The following COL6A3 variants were observed in gnomAD, a reference collection of about 807,000 sequenced individuals.
COL6A3 encodes the protein collagen alpha-3(VI) chain.
A neutral mutation model predicts 274.1 loss-of-function variants in COL6A3; 137 were observed. That is an observed-to-expected ratio of 0.50 (90% CI 0.44 to 0.58). The LOEUF is 0.58. Among genes scored for constraint, COL6A3 ranks in the 20% least tolerant of loss-of-function variants. The pLI is 0.00. For synonymous variants in COL6A3, 1,650 were observed against 1,650.6 expected (o/e 1.00, Z 0.01); for missense variants, 3,950 against 4,124.9 (o/e 0.96, Z 1.16).
At chr2:237,386,178 C>T (rs971923426) in intron 4 of COL6A3, among the ~76,000 whole-genome samples, 1 of 152,118 alleles carries the variant, frequency 6.6e-6, no homozygotes, top group African/African-American at 2.4e-5. Context: ...ATTTTGTAAC[C>T]CTTGTAAGGA....
chr2:237,345,144 T>C, intron 33 of COL6A3, 37 bp downstream of exon 33: 1 of 1,614,064 alleles, frequency 6.2e-7, no homozygotes, highest in Non-Finnish European at 8.5e-7. Context: ...CAAAGGCTCA[T>C]GAGGTTAATG....
chr2:237,395,579 C>A (rs527992906), intron 2 of COL6A3, among the ~76,000 whole-genome samples: 10 of 152,296 alleles, frequency 6.6e-5, no homozygotes, highest in African/African-American at 2.4e-4. Flanking sequence ...AGACAACCAA[C>A]CATCATTTTA....
chr2:237,357,959 A>C (rs2077354214), intron 21 of COL6A3, 77 bp from the exon 22 acceptor site: 4 of 1,359,972 alleles, frequency 2.9e-6, no homozygotes, highest in Non-Finnish European at 4.2e-6. Context: ...TGGTCAGGGA[A>C]ATATTAGCAA....
At position 237,374,629 on chromosome 2, in the gene COL6A3, G is replaced by A. The variant is rs762152367; in HGVS notation, c.3462C>T (p.Val1154=). The change falls in exon 8 of 44, where the codon GTC becomes GTT. Residue 1154 remains valine, a synonymous_variant. Coordinates refer to ENST00000295550, the MANE Select transcript of COL6A3 (RefSeq NM_004369.4). This position sits in a 1 kb window ranked among gnomAD's most constrained non-coding sequence, Gnocchi z 4.8. ...TGGGCACAGCCCCACCCCTCTTCAC[G>A]ACCACGGAGGGGTTCCGCACATCAT... is the stretch of plus-strand genomic sequence containing the variant. ...SGDDVRNPSV[V]VKRGGAVPIG... 1.1e-5 allele frequency: 17 copies of A among 1,613,986 alleles called. No individual in the cohort carries two copies. Among genetic ancestry groups the A allele is most frequent in the Middle Eastern group, 1.6e-4 (1 of 6,084 alleles).
At chr2:237,399,969 A>T (rs1465084429) in intron 1 of COL6A3, among the ~76,000 whole-genome samples, 2 of 152,264 alleles carry the variant, frequency 1.3e-5, no homozygotes, top group African/African-American at 4.8e-5. Flanking sequence ...CAATCTCATT[A>T]TCAGCATGAA....
rs770612892 is a variant in COL6A3, at chr2:237,377,091, G to A, written c.2751C>T (p.Gly917=). 3.1e-6 allele frequency: 5 copies of A among 1,614,192 alleles called. No homozygotes were observed. Among genetic ancestry groups the A allele is most frequent in the Admixed American group, 1.7e-5 (1 of 60,018 alleles). The change falls in exon 7 of 44, where the codon GGC becomes GGT. Residue 917 remains glycine, a synonymous_variant. Coordinates refer to ENST00000295550, the MANE Select transcript of COL6A3 (RefSeq NM_004369.4). ...KIKTGKALNL[G]YALDYAQRYI... Reference sequence around the variant, plus strand: ...ACCTCTGTGCATAGTCCAGCGCGTAGCCCAGGTTGAGGGCTTTGCCCGTCT... The same window carrying A: ...ACCTCTGTGCATAGTCCAGCGCGTAACCCAGGTTGAGGGCTTTGCCCGTCT...
chr2:237,387,250 G>A (rs1290420843), intron 4 of COL6A3, among the ~76,000 whole-genome samples: 1 of 152,136 alleles, frequency 6.6e-6, no homozygotes, highest in African/African-American at 2.4e-5. Context: ...AGCCCCTCAA[G>A]CCCATTTTTA....
rs973670724 is a variant in COL6A3, at chr2:237,377,734, G to T, written c.2498-390C>A. 2.7e-5 allele frequency among the ~76,000 whole-genome samples: 4 copies of T among 147,796 alleles called. No individual in the cohort carries two copies. In the South Asian group the frequency reaches 8.7e-4, roughly 32 times the overall value. Reference sequence around the variant, plus strand: ...TAATATACCTTTGCTTAAAAAAATTGATCTCAATCTCTAGAAAAAAAAAGG... The same window carrying T: ...TAATATACCTTTGCTTAAAAAAATTTATCTCAATCTCTAGAAAAAAAAAGG... On this transcript the variant is annotated intron_variant, in intron 6 of 43. Coordinates refer to ENST00000295550, the MANE Select transcript of COL6A3 (RefSeq NM_004369.4).
chr2:237,390,860 T>C (rs2078269734), intron 3 of COL6A3, among the ~76,000 whole-genome samples: 1 of 152,246 alleles, frequency 6.6e-6, no homozygotes, highest in African/African-American at 2.4e-5. Flanking sequence ...CCTTTAGCTT[T>C]TGTTTTAAAA....
rs775256430 is a variant in COL6A3, at chr2:237,387,906, C to T, written c.988G>A (p.Val330Met). ...ANIGLALDFV[V>M]ENHFTRAGGS... ...CCTGCCCGGGTGAAGTGGTTCTCCA[C>T]CACGAAATCAAGGGCGAGGCCGATA... Residue 330 changes from valine (V) to methionine (M), a missense_variant, in exon 4 of 44, where the codon GTG (valine) becomes ATG (methionine). Coordinates refer to ENST00000295550, the MANE Select transcript of COL6A3 (RefSeq NM_004369.4). 3.7e-6 allele frequency: 6 copies of T among 1,614,026 alleles called. No individual in the cohort carries two copies. In the East Asian group the frequency reaches 1.3e-4, roughly 36 times the overall value.
chr2:237,336,629 A>T lies in COL6A3; in HGVS notation c.8568-97T>A. ...AGCTACATTAAATTTGTTTTAGCAA[A>T]ATGCATGCAATAGTTTTTATAGATT... On this transcript the variant is annotated intron_variant, in intron 39 of 43. Transcript: ENST00000295550. 9 of 1,248,880 alleles carry T rather than the reference A, an allele frequency of 7.2e-6. No individual in the cohort carries two copies. In the South Asian group the frequency reaches 1.2e-4, roughly 16 times the overall value. The allele number at this position is 1,248,880 out of a possible 1,614,324, so 77.4% of individuals were successfully genotyped here. A position where few individuals can be genotyped will look rare whatever the true frequency, so the allele number is the denominator to read the frequency against.
chr2:237,340,760 A>G lies in COL6A3; in HGVS notation c.8156T>C (p.Ile2719Thr), dbSNP rs752450810. 4 of 1,614,036 alleles carry G rather than the reference A, an allele frequency of 2.5e-6. No individual in the cohort carries two copies. In the African/African-American group the frequency reaches 4.0e-5, roughly 16 times the overall value. Residue 2719 changes from isoleucine (I) to threonine (T), a missense_variant, in exon 38 of 44, where the codon ATT (isoleucine) becomes ACT (threonine). Coordinates refer to ENST00000295550, the MANE Select transcript of COL6A3 (RefSeq NM_004369.4). ...LQGTRALGSA[I>T]EYTIENVFES... ...AAAGACATTCTCTATGGTGTATTCAATGGCACTGCCTAAGGCCCTGGTTCC... is the reference window on the plus strand; with the variant it reads ...AAAGACATTCTCTATGGTGTATTCAGTGGCACTGCCTAAGGCCCTGGTTCC...
At chr2:237,338,280 A>G (rs1281961434) in intron 39 of COL6A3, among the ~76,000 whole-genome samples, 3 of 152,164 alleles carry the variant, frequency 2.0e-5, no homozygotes, top group African/African-American at 7.2e-5. Context: ...AACAAACCCA[A>G]GCTAGCCTGC....
In COL6A3 at chr2:237,388,148, C is replaced by A. The variant is rs770510140; in HGVS notation, c.746G>T (p.Gly249Val). The change falls in exon 4 of 44, where the codon GGA becomes GTA. Residue 249 changes from glycine (G) to valine (V), a missense_variant. Coordinates refer to ENST00000295550, the MANE Select transcript of COL6A3 (RefSeq NM_004369.4). The stretch of plus-strand genomic sequence containing the variant: ...ATTGACACTTCCGGTGTTGTTTGAT[C>A]CATCAATAAGGAAAATAATGTCAGC... ...DSADIIFLID[G>V]SNNTGSVNFA... 1 of 1,614,030 alleles carries A rather than the reference C, an allele frequency of 6.2e-7. No homozygotes were observed. Among genetic ancestry groups the A allele is most frequent in the South Asian group, 1.1e-5 (1 of 91,072 alleles).
At position 237,378,666 on chromosome 2, in the gene COL6A3, C is replaced by T. The variant is rs754747746; in HGVS notation, c.2467G>A (p.Gly823Ser). ...IQPLTTYVSG[G>S]VEEVPLAQPE... The stretch of plus-strand genomic sequence containing the variant: ...TGAGCGAGTGGTACTTCCTCCACAC[C>T]TCCACTAACATATGTGGTTAGGGGC... Residue 823 changes from glycine to serine, a missense_variant, in exon 6 of 44, where the codon GGT becomes AGT. Gly to Ser is a moderately conservative substitution (Grantham distance 56, BLOSUM62 0). Coordinates refer to ENST00000295550, the MANE Select transcript of COL6A3 (RefSeq NM_004369.4). 2 of 1,613,106 alleles carry T rather than the reference C, an allele frequency of 1.2e-6. No individual in the cohort carries two copies. The highest frequency in any genetic ancestry group is 2.2e-5 in the East Asian group (1 of 44,886).
rs906676743 is a variant in COL6A3, at chr2:237,344,318, G to A, written c.7668+32C>T. The A allele has an allele frequency of 1.1e-5, 17 of 1,613,934 alleles. 1 individual carries two copies. The East Asian group carries it at 3.8e-4, about 36-fold the overall frequency. On this transcript the variant is annotated intron_variant, in intron 36 of 43. Coordinates refer to ENST00000295550, the MANE Select transcript of COL6A3 (RefSeq NM_004369.4). The surrounding 1 kb of genome is among the most constrained non-coding windows in gnomAD (Gnocchi z 4.8). ...ACCTTCTCAGAGCCCCAGAAGAAAG[G>A]GAGATGCCAACAGCACGCACAGAGC...
At chr2:237,405,741 G>A (rs1451605430) in intron 1 of COL6A3, among the ~76,000 whole-genome samples, 2 of 152,116 alleles carry the variant, frequency 1.3e-5, no homozygotes, top group East Asian at 1.9e-4. Context: ...GAAGAACCCC[G>A]GGAAACCCTA....
At chr2:237,333,084 T>G in intron 42 of COL6A3, 1 of 326,172 alleles carries the variant, frequency 3.1e-6, no homozygotes. Flanking sequence ...TCTAAGCAGT[T>G]TTTTTATTAG....
chr2:237,351,801 A>G (rs891975605), intron 26 of COL6A3, among the ~76,000 whole-genome samples: 3 of 152,224 alleles, frequency 2.0e-5, no homozygotes, highest in South Asian at 4.1e-4. Context: ...AAAGATATGT[A>G]TTTATCAGCT....
Sources: allele counts gnomAD v4.1 joint callset (sites outside exome capture counted in the v4.1 genomes callset), GRCh38; gene constraint gnomAD v4.1.1; non-coding constraint Gnocchi (gnomAD v3.1); transcripts MANE v1.5; gene names NCBI Gene and HGNC (gene_info 2026-07-23, HGNC 2026-07-21).